TGM2: variants seen among roughly 807,000 people sequenced by gnomAD.
TGM2 encodes protein-glutamine gamma-glutamyltransferase 2.
In TGM2, 53 loss-of-function variants were observed where a neutral mutation model predicts 75.6. The ratio of observed to expected loss-of-function variants is 0.70; its 90% CI spans 0.56 to 0.88. The LOEUF is 0.88. TGM2 is among the 40% of genes least tolerant of loss of function. The pLI is 0.00. For missense variants in TGM2, 842 were observed against 928.5 expected (o/e 0.91, Z 1.21); for synonymous variants, 374 against 381.1 (o/e 0.98, Z 0.22).
At chr20:38,166,120 A>G (rs1176753259), upstream of TGM2, among the ~76,000 whole-genome samples, 1 of 152,184 alleles carries the variant, frequency 6.6e-6, no homozygotes, top group Non-Finnish European at 1.5e-5. Flanking sequence ...ACATGCAGAC[A>G]CACCTGCAAA....
intron 2 of TGM2, among the ~76,000 whole-genome samples, chr20:38,156,730 C>T (rs547047370): frequency 2.6e-5 from 4 of 152,292 alleles, no homozygotes; most frequent in African/African-American, 9.6e-5. Context: ...ATAACGACCC[C>T]TCACCTTCCT....
At chr20:38,147,017 G>C (rs2075054775) in intron 5 of TGM2, 123 bp from the exon 6 acceptor site, 2 of 1,085,932 alleles carry the variant, frequency 1.8e-6, no homozygotes, top group Admixed American at 4.0e-5. Flanking sequence ...TGAGGAAAGA[G>C]CAGGTGCAAA....
intron 10 of TGM2, chr20:38,133,789 G>C (rs996977704): frequency 2.0e-5 from 3 of 152,302 alleles, no homozygotes; most frequent in African/African-American, 7.2e-5. Context: ...GCCGGGAGTG[G>C]TGGGGTGAGC....
At chr20:38,146,307 C>T (rs1283552007) in intron 6 of TGM2, 1 of 324,908 alleles carries the variant, frequency 3.1e-6, no homozygotes, top group Non-Finnish European at 6.0e-6. Context: ...CTTCATGTCA[C>T]ACCCACTCTA....
intron 2 of TGM2, among the ~76,000 whole-genome samples, chr20:38,156,739 C>CTACA (rs1196581284): frequency 1.3e-5 from 2 of 152,154 alleles, no homozygotes; most frequent in Non-Finnish European, 1.5e-5. Flanking sequence ...CCTCACCTTC[C>CTACA]TACAGCCTTT....
chr20:38,153,042 G>GT (rs1484024468), intron 3 of TGM2, among the ~76,000 whole-genome samples: 2 of 136,248 alleles, frequency 1.5e-5, no homozygotes, highest in African/African-American at 2.6e-5. Flanking sequence ...ATGGGGCGGG[G>GT]GGGGGGATCC....
At chr20:38,147,702 T>A (rs6023418) in intron 5 of TGM2, among the ~76,000 whole-genome samples, 4,860 of 151,478 alleles carry the variant, frequency 0.032, 157 homozygotes, top group African/African-American at 0.084. Flanking sequence ...TGCACACAGC[T>A]GTCTCCCCAG....
At chr20:38,145,286 T>C (rs1459174410) in intron 6 of TGM2, 1 of 152,200 alleles carries the variant, frequency 6.6e-6, no homozygotes, top group East Asian at 1.9e-4. Flanking sequence ...TCAGAAAAGC[T>C]GGAAGCCCCA....
intron 3 of TGM2, among the ~76,000 whole-genome samples, chr20:38,154,750 C>G (rs946709559): frequency 1.4e-4 from 21 of 151,624 alleles, no homozygotes; most frequent in Non-Finnish European, 2.8e-4. Context: ...CCCCAGCCCT[C>G]CCCCCAACCT....
At position 38,149,690 on chromosome 20, in the gene TGM2, A is replaced by AAAAAAAAAAAAC. The variant is rs1568695272; in HGVS notation, c.552+1237_552+1248dup. On this transcript the variant is annotated intron_variant, in intron 4 of 12. Coordinates refer to ENST00000361475, the MANE Select transcript of TGM2 (RefSeq NM_004613.4). The stretch of plus-strand genomic sequence containing the variant: ...CGAGACTCCGCCTCAAAAAAAAAAA[A>AAAAAAAAAAAAC]AAAAAAAAAAACAGGACCCTGGGAA... Among the ~76,000 whole-genome samples, 143 of 148,954 alleles carry AAAAAAAAAAAAC rather than the reference A, an allele frequency of 9.6e-4. 3 individuals are homozygous for AAAAAAAAAAAAC. Among genetic ancestry groups the AAAAAAAAAAAAC allele is most frequent in the African/African-American group, 3.5e-3 (137 of 39,372 alleles).
At position 38,138,460 on chromosome 20, in the gene TGM2, G is replaced by C. The variant is rs778726753; in HGVS notation, c.1343-75C>G. On this transcript the variant is annotated intron_variant, in intron 9 of 12. Transcript: ENST00000361475. ...GAAGGGGGCTGCAACAGGGCGAGCT[G>C]TCTTCGCAGAGGCCTGATGACTCAG... 1.6e-5 allele frequency: 25 copies of C among 1,607,672 alleles called. No homozygotes were observed. The East Asian group carries it at 5.1e-4, about 33-fold the overall frequency.
rs543018349 is a variant in TGM2 at position 38,131,389 on chromosome 20, G to A, written c.1777-160C>T. 5.0e-5 allele frequency among the ~76,000 whole-genome samples: 7 copies of A among 140,548 alleles called. No individual in the cohort carries two copies. In the South Asian group the frequency reaches 6.7e-4, roughly 13 times the overall value. 92.2% of individuals were successfully genotyped at this position (140,548 alleles called of 152,430 possible). A position where few individuals can be genotyped will look rare whatever the true frequency, so the allele number is the denominator to read the frequency against. The stretch of plus-strand genomic sequence containing the variant: ...ACCTCTGTGCCTCAGTTTCTTCATC[G>A]GGAAAACACCGATTGTGCTACCGGC... On this transcript the variant is annotated intron_variant, in intron 11 of 12. Transcript: ENST00000361475.
At chr20:38,149,836 T>C (rs943973070) in intron 4 of TGM2, among the ~76,000 whole-genome samples, 1 of 152,210 alleles carries the variant, frequency 6.6e-6, no homozygotes, top group Admixed American at 6.5e-5. Flanking sequence ...ATTTCATTTA[T>C]ATCCCACAGC....
intron 3 of TGM2, among the ~76,000 whole-genome samples, chr20:38,152,852 G>A (rs554108669): frequency 8.5e-5 from 13 of 152,328 alleles, no homozygotes; most frequent in African/African-American, 2.9e-4. Flanking sequence ...CCAACCCGCC[G>A]CCGGGTGAGG....
At chr20:38,152,275 C>A (rs2075123737) in intron 3 of TGM2, among the ~76,000 whole-genome samples, 1 of 152,172 alleles carries the variant, frequency 6.6e-6, no homozygotes, top group Non-Finnish European at 1.5e-5. Context: ...GCCCCTCAGA[C>A]CCCTGGGCTT....
chr20:38,130,814 C>T (rs1044823109), intron 12 of TGM2, among the ~76,000 whole-genome samples: 5 of 152,188 alleles, frequency 3.3e-5, no homozygotes, highest in African/African-American at 1.2e-4. Context: ...GGGCAGATAC[C>T]TGTCTATGTG....
At position 38,129,982 on chromosome 20, in the gene TGM2, C is replaced by G. The variant is rs1262704219; in HGVS notation, c.*237G>C. Reference sequence around the variant, plus strand: ...CACCCCAGCCCCAGTCAGCCAAGGTCAGGGCTCCCACTGTTTCTGGCACAG... The same window carrying G: ...CACCCCAGCCCCAGTCAGCCAAGGTGAGGGCTCCCACTGTTTCTGGCACAG... On this transcript the variant is annotated 3_prime_UTR_variant, in exon 13 of 13. Coordinates refer to ENST00000361475, the MANE Select transcript of TGM2 (RefSeq NM_004613.4). 1 of 587,020 alleles carries G rather than the reference C, an allele frequency of 1.7e-6. No individual in the cohort carries two copies. 36.4% of individuals were successfully genotyped at this position (587,020 alleles called of 1,614,324 possible).
At chr20:38,157,463 C>G (rs1271017942) in intron 2 of TGM2, among the ~76,000 whole-genome samples, 1 of 152,218 alleles carries the variant, frequency 6.6e-6, no homozygotes, top group Admixed American at 6.5e-5. Flanking sequence ...ACCTGGGCCA[C>G]ATCACCAGGC....
chr20:38,159,325 T>C (rs896641677), intron 2 of TGM2, among the ~76,000 whole-genome samples: 14 of 151,838 alleles, frequency 9.2e-5, no homozygotes, highest in Non-Finnish European at 1.9e-4. Flanking sequence ...TATGGACGCA[T>C]AGAGGGAAAC....
Sources: allele counts gnomAD v4.1 joint callset (sites outside exome capture counted in the v4.1 genomes callset), GRCh38; gene constraint gnomAD v4.1.1; transcripts MANE v1.5; gene names NCBI Gene and HGNC (gene_info 2026-07-23, HGNC 2026-07-21).